The following CFAP65 variants were observed in gnomAD, a reference collection of about 807,000 sequenced individuals.
CFAP65 encodes cilia and flagella associated protein 65.
Under a neutral mutation model 208.0 loss-of-function variants are expected in CFAP65, and 155 were observed. The observed-to-expected ratio is 0.75, with a 90% CI of 0.65 to 0.85. CFAP65 has a LOEUF of 0.85. Ranked by LOEUF, CFAP65 falls within the 40% of genes least tolerant of loss-of-function variation. The pLI, the probability that CFAP65 is intolerant of heterozygous loss-of-function variation, is 0.00. For missense variants in CFAP65, 2,294 were observed against 2,451.3 expected (o/e 0.94, Z 1.36); for synonymous variants, 970 against 986.3 (o/e 0.98, Z 0.31).
intron 11 of CFAP65, 43 bp downstream of exon 11, chr2:219,029,360 G>A (rs760253416): frequency 3.8e-6 from 6 of 1,587,268 alleles, no homozygotes; most frequent in South Asian, 2.3e-5. Flanking sequence ...GGGCCCCAGG[G>A]GAGCCCCTCC....
chr2:219,020,662 G>T (rs1947209496), intron 19 of CFAP65, among the ~76,000 whole-genome samples: 1 of 152,278 alleles, frequency 6.6e-6, no homozygotes, highest in South Asian at 2.1e-4. Flanking sequence ...TTATAGGTGT[G>T]AGCCACCATG....
Position 219,027,969 on chromosome 2 carries a change from G to A in CFAP65, c.1892C>T (p.Pro631Leu), listed in dbSNP as rs1947755516. 1.2e-5 allele frequency: 18 copies of A among 1,518,304 alleles called. No individual in the cohort carries two copies. The highest frequency in any genetic ancestry group is 1.5e-5 in the Non-Finnish European group (17 of 1,134,392). The allele number at this position is 1,518,304 out of a possible 1,614,324, so 94.1% of individuals were successfully genotyped here. ...DMPAPQYPYIPPMTEFFFDGT... is the reference protein window; with the variant it reads ...DMPAPQYPYILPMTEFFFDGT... ...GTCGAAGAAGAACTCGGTCATGGGG[G>A]GGATATAAGGGTACTGCGGGGCCGG... Residue 631 changes from proline to leucine, a missense_variant, in exon 13 of 35, where the codon CCC becomes CTC. Coordinates refer to ENST00000341552, the MANE Select transcript of CFAP65 (RefSeq NM_194302.4).
At chr2:219,036,984 A>C (rs772521550) in intron 4 of CFAP65, among the ~76,000 whole-genome samples, 39 of 152,212 alleles carry the variant, frequency 2.6e-4, no homozygotes, top group Non-Finnish European at 4.1e-4. Flanking sequence ...TTCCTGAGTC[A>C]CCTATGGAAG....
chr2:219,007,604 G>A (rs1337365593), intron 29 of CFAP65, among the ~76,000 whole-genome samples: 1 of 152,124 alleles, frequency 6.6e-6, no homozygotes, highest in East Asian at 1.9e-4. Context: ...GGAAGGTTGT[G>A]AAATTGGGGG....
chr2:219,005,614 T>C (rs1423561901), intron 31 of CFAP65, 52 bp from the exon 32 acceptor site: 12 of 1,603,204 alleles, frequency 7.5e-6, no homozygotes, highest in Non-Finnish European at 1.0e-5. Flanking sequence ...CATGCTGGGG[T>C]TGGGGGCACA....
Position 219,035,085 on chromosome 2 carries a change from T to A in CFAP65, c.542+395A>T, listed in dbSNP as rs1193915314. On this transcript the variant is annotated intron_variant, in intron 5 of 34. Transcript: ENST00000341552. The stretch of plus-strand genomic sequence containing the variant: ...GGTTCCATCCCGCAAGGTCACCAAT[T>A]TAACAACTACGCAGGAAAAAAAAAA... 5 of 408,750 alleles carry A rather than the reference T, an allele frequency of 1.2e-5. No individual in the cohort carries two copies. In the South Asian group the frequency reaches 1.9e-4, roughly 16 times the overall value. 25.3% of individuals were successfully genotyped at this position (408,750 alleles called of 1,614,324 possible). A position where few individuals can be genotyped will look rare whatever the true frequency, so the allele number is the denominator to read the frequency against.
chr2:219,029,941 G>T (rs1947903548), intron 10 of CFAP65, 45 bp downstream of exon 10: 1 of 1,568,484 alleles, frequency 6.4e-7, no homozygotes, highest in Admixed American at 1.7e-5. Flanking sequence ...ATCCTCAGCA[G>T]GGGCTGCTCC....
chr2:219,031,682 G>A lies in CFAP65; in HGVS notation c.646-24C>T, dbSNP rs537680582. The A allele has an allele frequency of 3.0e-5, 48 of 1,577,646 alleles. No individual in the cohort carries two copies. In the East Asian group the frequency reaches 1.0e-3, roughly 34 times the overall value. ...TTCTGCAGTGTGAGGCGGGGCAGGG[G>A]CAGTCACCCATCAGTGGCATTCAGG... On this transcript the variant is annotated intron_variant, in intron 6 of 34. Coordinates refer to ENST00000341552, the MANE Select transcript of CFAP65 (RefSeq NM_194302.4). The surrounding 1 kb of genome is among the most constrained non-coding windows in gnomAD (Gnocchi z 5.2).
chr2:219,024,261 C>T lies in CFAP65; in HGVS notation c.2350-1G>A, dbSNP rs1407987083. The T allele has an allele frequency of 6.2e-7, 1 of 1,609,444 alleles. No individual in the cohort carries two copies. Among genetic ancestry groups the T allele is most frequent in the Admixed American group, 1.7e-5 (1 of 59,904 alleles). The stretch of plus-strand genomic sequence containing the variant: ...CACCGGAGGACACTGCTGGAAATAG[C>T]TGGGGGTGGGAGAGGAGGAAAGCGG... On this transcript the variant is annotated splice_acceptor_variant, in intron 14 of 34. Coordinates refer to ENST00000341552, the MANE Select transcript of CFAP65 (RefSeq NM_194302.4). LOFTEE classifies it high-confidence loss of function.
At position 219,009,393 on chromosome 2, in the gene CFAP65, C is replaced by T. The variant is rs1463939539; in HGVS notation, c.4520G>A (p.Arg1507Lys). Residue 1507 changes from arginine to lysine, a missense_variant, in exon 28 of 35, where the codon AGG (arginine) becomes AAG (lysine). By Grantham distance (26) the Arg-to-Lys change is conservative (BLOSUM62 2). Transcript: ENST00000341552. The part of the protein sequence containing the change: ...EETVPFVVTL[R>K]ASVHASFYSA... Reference sequence around the variant, plus strand: ...GTAGAAGCTGGCATGCACAGAGGCCCTCAAGGTCACCACAAATGGGACCGT... The same window carrying T: ...GTAGAAGCTGGCATGCACAGAGGCCTTCAAGGTCACCACAAATGGGACCGT... 1 of 1,612,740 alleles carries T rather than the reference C, an allele frequency of 6.2e-7. No individual in the cohort carries two copies. The highest frequency in any genetic ancestry group is 1.7e-5 in the Admixed American group (1 of 60,026).
At position 219,004,032 on chromosome 2, in the gene CFAP65, G is replaced by A; in HGVS notation, c.5475C>T (p.Ser1825=). 1 of 1,614,030 alleles carries A rather than the reference G, an allele frequency of 6.2e-7. No individual in the cohort carries two copies. Among genetic ancestry groups the A allele is most frequent in the East Asian group, 2.2e-5 (1 of 44,872 alleles). ...GPTPQPESQE[S]MQWQWQQQLN... ...GCTGCTGTTGCCACTGCCATTGCAT[G>A]GACTCCTGGGACTCAGGCTGTGGTG... is the stretch of plus-strand genomic sequence containing the variant. Residue 1825 remains serine (S), a synonymous_variant, in exon 33 of 35, where the codon TCC becomes TCT. Coordinates refer to ENST00000341552, the MANE Select transcript of CFAP65 (RefSeq NM_194302.4). This position sits in a 1 kb window ranked among gnomAD's most constrained non-coding sequence, Gnocchi z 4.7.
rs925621345 is a variant in CFAP65 at position 219,004,800 on chromosome 2, C to A, written c.5052-345G>T. ...TGAGAATCCCTCCAGCCAGCTCCAT[C>A]AGAGCCCCACTGTCCTGGGGTGGGG... On this transcript the variant is annotated intron_variant, in intron 32 of 34. Transcript: ENST00000341552. The surrounding 1 kb of genome is among the most constrained non-coding windows in gnomAD (Gnocchi z 4.7). Among the ~76,000 whole-genome samples the A allele has an allele frequency of 3.0e-5, 4 of 133,656 alleles. No individual in the cohort carries two copies. The East Asian group carries it at 8.8e-4, about 29-fold the overall frequency. The allele number at this position is 133,656 out of a possible 152,430, so 87.7% of individuals were successfully genotyped here.
intron 23 of CFAP65, 75 bp from the exon 24 acceptor site, chr2:219,013,444 A>T: frequency 6.5e-7 from 1 of 1,546,616 alleles, no homozygotes; most frequent in African/African-American, 1.4e-5. Context: ...AGGAGAACAC[A>T]GCTCCCTGCT....
intron 21 of CFAP65, 106 bp downstream of exon 21, chr2:219,018,945 C>T: frequency 9.4e-6 from 14 of 1,486,080 alleles, no homozygotes; most frequent in African/African-American, 2.8e-5. Context: ...TCTTCACAGA[C>T]AGCAAGCAGC....
intron 21 of CFAP65, chr2:219,015,694 T>A (rs1469109991): frequency 1.3e-5 from 2 of 151,838 alleles, no homozygotes; most frequent in East Asian, 3.9e-4. Context: ...AAAGCACATA[T>A]GTGTGCATGC....
At chr2:219,027,162 A>T (rs2106205598) in intron 13 of CFAP65, 1 of 1,189,282 alleles carries the variant, frequency 8.4e-7, no homozygotes, top group Middle Eastern at 3.5e-4. Context: ...GGGCCAGAAC[A>T]GCAGGGCTGG....
At chr2:219,037,497 C>A (rs891424269) in intron 4 of CFAP65, among the ~76,000 whole-genome samples, 1 of 152,192 alleles carries the variant, frequency 6.6e-6, no homozygotes, top group Non-Finnish European at 1.5e-5. Context: ...TGCCACCGCA[C>A]CTAGGTTAGA....
chr2:219,004,166 C>A lies in CFAP65; in HGVS notation c.5341G>T (p.Glu1781Ter), dbSNP rs1269179049. 2.5e-6 allele frequency: 4 copies of A among 1,613,946 alleles called. No individual in the cohort carries two copies. Among genetic ancestry groups the A allele is most frequent in the Middle Eastern group, 1.7e-4 (1 of 6,060 alleles). Residue 1781 changes from glutamate (E) to a stop codon, truncating the protein, a stop_gained, in exon 33 of 35, where the codon GAA becomes TAA. Coordinates refer to ENST00000341552, the MANE Select transcript of CFAP65 (RefSeq NM_194302.4). LOFTEE classifies it high-confidence loss of function. The surrounding 1 kb of genome is among the most constrained non-coding windows in gnomAD (Gnocchi z 4.7). The part of the protein sequence containing the change: ...EEEELEEEEE[E>*]EEETEEEELG... The stretch of plus-strand genomic sequence containing the variant: ...TCCTCCTCTTCTGTCTCCTCTTCTT[C>A]CTCCTCTTCCTCCTCCAACTCTTCT...
At chr2:219,040,381 T>A in intron 2 of CFAP65, 138 bp downstream of exon 2, 287 of 563,638 alleles carry the variant, frequency 5.1e-4, no homozygotes, top group Middle Eastern at 8.6e-4. Flanking sequence ...CTGTTGACCC[T>A]GGTTTTCCTA....
Sources: allele counts gnomAD v4.1 joint callset (sites outside exome capture counted in the v4.1 genomes callset), GRCh38; gene constraint gnomAD v4.1.1; non-coding constraint Gnocchi (gnomAD v3.1); transcripts MANE v1.5; gene names NCBI Gene and HGNC (gene_info 2026-07-23, HGNC 2026-07-21).